Variants in GREM2 observed in about 807,000 individuals in gnomAD.
The protein encoded by GREM2 is gremlin-2.
Under a neutral mutation model 14.2 loss-of-function variants are expected in GREM2, and 11 were observed. The ratio of observed to expected loss-of-function variants is 0.78; its 90% CI spans 0.49 to 1.28. GREM2 has a LOEUF of 1.28. Among genes scored for constraint, GREM2 ranks in the 50% most tolerant of loss-of-function variants. The pLI, the probability that GREM2 is intolerant of heterozygous loss-of-function variation, is 0.00. For synonymous variants in GREM2, 98 were observed against 97.6 expected, an observed-to-expected ratio of 1.00 and a Z score of -0.02; for missense variants, 210 against 218.5, an observed-to-expected ratio of 0.96 and a Z score of 0.24.
At chr1:240,548,106 TTA>T (rs201222179) in intron 1 of GREM2, among the ~76,000 whole-genome samples, 1,186 of 111,530 alleles carry the variant, frequency 0.011, 9 homozygotes, top group African/African-American at 0.047. Context: ...AACTAAAAAT[TTA>T]AAAAAAAAAA....
intron 1 of GREM2, among the ~76,000 whole-genome samples, chr1:240,513,287 A>T (rs1677875377): frequency 6.6e-6 from 1 of 152,152 alleles, no homozygotes; most frequent in Non-Finnish European, 1.5e-5. Flanking sequence ...TTCTTAGAAG[A>T]GAAAGGTGAC....
intron 1 of GREM2, among the ~76,000 whole-genome samples, chr1:240,522,102 A>G (rs1259136110): frequency 6.7e-6 from 1 of 149,982 alleles, no homozygotes; most frequent in Admixed American, 6.6e-5. Context: ...CCTGGATGAC[A>G]GAGCAAAACC....
chr1:240,504,893 T>C (rs1229697026), intron 1 of GREM2, among the ~76,000 whole-genome samples: 1 of 152,198 alleles, frequency 6.6e-6, no homozygotes, highest in Non-Finnish European at 1.5e-5. Context: ...TGTGAACACA[T>C]TTCCTTAGTA....
chr1:240,590,394 A>C (rs1416818755), intron 1 of GREM2, among the ~76,000 whole-genome samples: 1 of 146,948 alleles, frequency 6.8e-6, no homozygotes, highest in African/African-American at 2.5e-5. Flanking sequence ...CCTGCTCTTT[A>C]TGGGTTTGAG....
At position 240,528,790 on chromosome 1, in the gene GREM2, C is replaced by A. The variant is rs114698751; in HGVS notation, c.-1-35314G>T. ...CAGCCTGCCTGCTGGGGTTTTATGACTTTCTAGCCTTAGAACAGTCCTTTA... is the reference window on the plus strand; with the variant it reads ...CAGCCTGCCTGCTGGGGTTTTATGAATTTCTAGCCTTAGAACAGTCCTTTA... On this transcript the variant is annotated intron_variant, in intron 1 of 1. Transcript: ENST00000318160. Among the ~76,000 whole-genome samples the A allele has an allele frequency of 5.4e-3, 829 of 152,264 alleles. 7 individuals are homozygous for A. Among genetic ancestry groups the A allele is most frequent in the Middle Eastern group, 0.02 (6 of 294 alleles).
chr1:240,553,948 C>T (rs1234827842), intron 1 of GREM2, among the ~76,000 whole-genome samples: 1 of 152,132 alleles, frequency 6.6e-6, no homozygotes, highest in Non-Finnish European at 1.5e-5. Context: ...GAGCAATCAG[C>T]TGTGAGTGGT....
At chr1:240,606,248 T>C (rs915542666) in intron 1 of GREM2, among the ~76,000 whole-genome samples, 2 of 152,234 alleles carry the variant, frequency 1.3e-5, no homozygotes, top group Non-Finnish European at 2.9e-5. Context: ...AAATAGCCTC[T>C]GCCCTCAGGG....
intron 1 of GREM2, among the ~76,000 whole-genome samples, chr1:240,604,078 G>A (rs1679979027): frequency 6.6e-6 from 1 of 151,742 alleles, no homozygotes; most frequent in African/African-American, 2.4e-5. Flanking sequence ...AGGAGAGAAG[G>A]AAGGGAGGTG....
At chr1:240,506,397 A>C (rs2103283693) in intron 1 of GREM2, among the ~76,000 whole-genome samples, 1 of 152,314 alleles carries the variant, frequency 6.6e-6, no homozygotes, top group African/African-American at 2.4e-5. Flanking sequence ...TGAAACAAGA[A>C]GTCTGGTTTC....
intron 1 of GREM2, among the ~76,000 whole-genome samples, chr1:240,504,047 A>G (rs1677628328): frequency 6.6e-6 from 1 of 152,250 alleles, no homozygotes; most frequent in Non-Finnish European, 1.5e-5. Flanking sequence ...TTTAAAAACT[A>G]TAAAGAAGAA....
intron 1 of GREM2, among the ~76,000 whole-genome samples, chr1:240,587,151 A>G (rs1327419406): frequency 2.6e-5 from 4 of 152,196 alleles, no homozygotes; most frequent in Non-Finnish European, 1.5e-5. Flanking sequence ...ATAGATCAGC[A>G]GAAAATTAAA....
intron 1 of GREM2, among the ~76,000 whole-genome samples, chr1:240,507,153 G>A (rs764856495): frequency 6.8e-4 from 103 of 152,348 alleles, no homozygotes; most frequent in Non-Finnish European, 1.1e-3. Context: ...GCTCTCCAGC[G>A]ATGCCCAGCT....
chr1:240,547,342 T>C (rs528889377), intron 1 of GREM2, among the ~76,000 whole-genome samples: 1 of 151,166 alleles, frequency 6.6e-6, no homozygotes, highest in Non-Finnish European at 1.5e-5. Context: ...CTACTAAAAA[T>C]ACAAAAAATT....
chr1:240,494,827 G>C (rs1677371241), intron 1 of GREM2, among the ~76,000 whole-genome samples: 1 of 152,124 alleles, frequency 6.6e-6, no homozygotes, highest in South Asian at 2.1e-4. Flanking sequence ...CGTGAACCCG[G>C]GAGGCGGAGC....
intron 1 of GREM2, among the ~76,000 whole-genome samples, chr1:240,583,607 C>CTTT (rs869097805): frequency 3.5e-5 from 3 of 84,740 alleles, no homozygotes; most frequent in African/African-American, 1.6e-4. Context: ...TCATCTCTAT[C>CTTT]TTTTTTTTTT....
rs147784305 is a variant in GREM2 at position 240,513,048 on chromosome 1, T to C, written c.-1-19572A>G. Among the ~76,000 whole-genome samples, 139 of 152,240 alleles carry C rather than the reference T, an allele frequency of 9.1e-4. 1 individual carries two copies. The highest frequency in any genetic ancestry group is 3.1e-3 in the African/African-American group (127 of 41,542). ...GATATACAGATAATACACTAGTAAA[T>C]GTTATAAAATATTTTCAGATAGCAG... is the stretch of plus-strand genomic sequence containing the variant. On this transcript the variant is annotated intron_variant, in intron 1 of 1. Transcript: ENST00000318160.
chr1:240,606,958 G>A lies in GREM2; in HGVS notation c.-2+4926C>T, dbSNP rs141475467. ...CTCCCAAAATGCTGGGATTACAGGC[G>A]TGAGCCACTGAGCCCTGCCAGATTG... On this transcript the variant is annotated intron_variant, in intron 1 of 1. Coordinates refer to ENST00000318160, the MANE Select transcript of GREM2 (RefSeq NM_022469.4). Among the ~76,000 whole-genome samples, 1,096 of 152,220 alleles carry A rather than the reference G, an allele frequency of 7.2e-3. 11 individuals are homozygous for A. Among genetic ancestry groups the A allele is most frequent in the African/African-American group, 0.024 (986 of 41,514 alleles).
In GREM2 at chr1:240,612,152, C is replaced by T. The variant is rs571414639; in HGVS notation, c.-270G>A. ...ATGTGAAAGGAGCCCGGAGACTTAG[C>T]TCTGAATCCTCTCGGCGCTGCATGG... On this transcript the variant is annotated 5_prime_UTR_variant, in exon 1 of 2. Transcript: ENST00000318160. 7 of 152,508 alleles carry T rather than the reference C, an allele frequency of 4.6e-5. No individual in the cohort carries two copies. The highest frequency in any genetic ancestry group is 4.6e-4 in the Admixed American group (7 of 15,302). The allele number at this position is 152,508 out of a possible 1,614,324, so 9.4% of individuals were successfully genotyped here. A position where few individuals can be genotyped will look rare whatever the true frequency, so the allele number is the denominator to read the frequency against.
rs543266857 is a variant in GREM2 at position 240,529,946 on chromosome 1, C to T, written c.-1-36470G>A. ...ACTTTGAAAAGATATTCTTGGGACA[C>T]CGGTTATCCTGAAATTCTGGTTAAC... is the stretch of plus-strand genomic sequence containing the variant. On this transcript the variant is annotated intron_variant, in intron 1 of 1. Coordinates refer to ENST00000318160, the MANE Select transcript of GREM2 (RefSeq NM_022469.4). 2.0e-5 allele frequency among the ~76,000 whole-genome samples: 3 copies of T among 152,232 alleles called. No individual in the cohort carries two copies. The South Asian group carries it at 6.2e-4, about 32-fold the overall frequency.
Sources: allele counts gnomAD v4.1 joint callset (sites outside exome capture counted in the v4.1 genomes callset), GRCh38; gene constraint gnomAD v4.1.1; transcripts MANE v1.5; gene names NCBI Gene and HGNC (gene_info 2026-07-23, HGNC 2026-07-21).